DCC: variants seen among roughly 807,000 people sequenced by gnomAD.
DCC encodes netrin receptor DCC.
In DCC, 58 loss-of-function variants were observed where a neutral mutation model predicts 172.5. The observed-to-expected ratio is 0.34, with a 90% CI of 0.27 to 0.42. The LOEUF is 0.42. Ranked by LOEUF, DCC falls within the 10% of genes least tolerant of loss-of-function variation. The pLI, the probability that DCC is intolerant of heterozygous loss-of-function variation, is 1.00. For missense variants in DCC, 1,740 were observed against 1,791.0 expected (o/e 0.97, Z 0.51); for synonymous variants, 709 against 644.5 (o/e 1.10, Z -1.52).
rs1489121131 is a variant in DCC at position 53,489,742 on chromosome 18, A to T, written c.3898+2784A>T. On this transcript the variant is annotated intron_variant, in intron 26 of 28. Transcript: ENST00000442544. ...CTGAATTTCTCTCCAACCATAAGGA[A>T]AGAAAAGATATGGTACATACATTTG... Among the ~76,000 whole-genome samples, 3 of 152,188 alleles carry T rather than the reference A, an allele frequency of 2.0e-5. No homozygotes were observed. In the South Asian group the frequency reaches 6.2e-4, roughly 31 times the overall value.
intron 2 of DCC, among the ~76,000 whole-genome samples, chr18:52,821,252 G>T (rs751684752): frequency 6.6e-6 from 1 of 152,062 alleles, no homozygotes; most frequent in Non-Finnish European, 1.5e-5. Context: ...GTGGCACCAC[G>T]TTACTTCTAT....
chr18:52,885,986 G>A (rs984270847), intron 2 of DCC, among the ~76,000 whole-genome samples: 3 of 151,686 alleles, frequency 2.0e-5, no homozygotes, highest in Non-Finnish European at 2.9e-5. Flanking sequence ...TTACAACTCT[G>A]CCCAGTGCCC....
chr18:52,492,702 G>A (rs918361918), intron 1 of DCC, among the ~76,000 whole-genome samples: 8 of 152,054 alleles, frequency 5.3e-5, no homozygotes, highest in African/African-American at 1.4e-4. Flanking sequence ...TCCCCAACAC[G>A]AAAGCTGTGT....
intron 25 of DCC, among the ~76,000 whole-genome samples, chr18:53,479,914 T>C (rs2045811882): frequency 6.6e-6 from 1 of 152,204 alleles, no homozygotes; most frequent in African/African-American, 2.4e-5. Context: ...GGGTAACTTA[T>C]GAATGACTAA....
At chr18:53,258,502 T>A (rs968940906) in intron 12 of DCC, among the ~76,000 whole-genome samples, 10 of 152,156 alleles carry the variant, frequency 6.6e-5, no homozygotes, top group Admixed American at 2.0e-4. Flanking sequence ...GTTGTTCAGT[T>A]TCCATGTAGT....
At chr18:53,247,534 CAATT>C (rs2056379878) in intron 12 of DCC, among the ~76,000 whole-genome samples, 1 of 151,528 alleles carries the variant, frequency 6.6e-6, no homozygotes, top group African/African-American at 2.4e-5. Flanking sequence ...CAGGCTTTGA[CAATT>C]AAAGAGAAAA....
intron 5 of DCC, among the ~76,000 whole-genome samples, chr18:53,044,772 G>T (rs1052581665): frequency 1.3e-5 from 2 of 151,754 alleles, no homozygotes; most frequent in African/African-American, 4.8e-5. Context: ...TCACAATGCA[G>T]AAAATTTGTA....
chr18:52,837,450 C>G (rs1041164076), intron 2 of DCC, among the ~76,000 whole-genome samples: 1 of 152,208 alleles, frequency 6.6e-6, no homozygotes, highest in Admixed American at 6.5e-5. Context: ...TCATCTCTCT[C>G]AAGTTCAAAA....
chr18:52,346,322 T>C (rs775530171), intron 1 of DCC, among the ~76,000 whole-genome samples: 23 of 152,242 alleles, frequency 1.5e-4, no homozygotes, highest in Admixed American at 3.9e-4. Flanking sequence ...TAACACACTT[T>C]TTCTTTCTCT....
At chr18:53,240,874 C>T (rs1238778026) in intron 12 of DCC, among the ~76,000 whole-genome samples, 1 of 152,114 alleles carries the variant, frequency 6.6e-6, no homozygotes. Flanking sequence ...GTAATAGTTA[C>T]AGATAACATT....
intron 1 of DCC, among the ~76,000 whole-genome samples, chr18:52,709,947 C>T (rs776173004): frequency 2.0e-5 from 3 of 152,098 alleles, no homozygotes; most frequent in Non-Finnish European, 2.9e-5. Flanking sequence ...AGAAACAATG[C>T]ATTTGTTGTC....
chr18:52,995,253 T>G (rs757249444), intron 5 of DCC, among the ~76,000 whole-genome samples: 1 of 152,128 alleles, frequency 6.6e-6, no homozygotes, highest in Non-Finnish European at 1.5e-5. Flanking sequence ...CGAAAATTCC[T>G]TAGTGTTTTG....
intron 1 of DCC, among the ~76,000 whole-genome samples, chr18:52,390,946 A>T (rs942419337): frequency 6.6e-6 from 1 of 152,042 alleles, no homozygotes; most frequent in African/African-American, 2.4e-5. Context: ...TGTCCCCTCC[A>T]TTACCAAAAG....
At chr18:53,411,003 G>T (rs573172391) in intron 20 of DCC, among the ~76,000 whole-genome samples, 1 of 151,948 alleles carries the variant, frequency 6.6e-6, no homozygotes, top group Non-Finnish European at 1.5e-5. Flanking sequence ...TACTATTGCC[G>T]ACTTTAGGTA....
intron 5 of DCC, among the ~76,000 whole-genome samples, chr18:53,050,455 A>T (rs925452723): frequency 2.6e-5 from 4 of 152,066 alleles, no homozygotes; most frequent in Non-Finnish European, 5.9e-5. Context: ...TTCTTTCAGC[A>T]GCGATTTGTA....
chr18:52,970,295 A>G (rs183737593), intron 5 of DCC, among the ~76,000 whole-genome samples: 4 of 152,234 alleles, frequency 2.6e-5, no homozygotes, highest in East Asian at 3.9e-4. Context: ...TATAGGTGGC[A>G]TAATTAAACC....
In DCC at chr18:52,958,679, A is replaced by G. The variant is rs189634956; in HGVS notation, c.985+33309A>G. On this transcript the variant is annotated intron_variant, in intron 5 of 28. Coordinates refer to ENST00000442544, the MANE Select transcript of DCC (RefSeq NM_005215.4). ...GACTTGGTGGCCATAGGCATTTAGG[A>G]TAAAGAAGGATGTAAATTTAAAGAT... 2.4e-3 allele frequency among the ~76,000 whole-genome samples: 358 copies of G among 152,226 alleles called. 5 individuals carry two copies. Among genetic ancestry groups the G allele is most frequent in the Non-Finnish European group, 6.8e-4 (46 of 68,008 alleles).
chr18:52,982,838 C>T (rs1354458691), intron 5 of DCC, among the ~76,000 whole-genome samples: 5 of 152,156 alleles, frequency 3.3e-5, no homozygotes, highest in Non-Finnish European at 1.5e-5. Context: ...CTGTAGGCAT[C>T]GGAGAACCAC....
intron 12 of DCC, among the ~76,000 whole-genome samples, chr18:53,230,934 T>C (rs746089903): frequency 1.6e-4 from 24 of 152,100 alleles, no homozygotes; most frequent in African/African-American, 5.5e-4. Flanking sequence ...CTACTTTTCC[T>C]TGGGGTATTA....
Sources: allele counts gnomAD v4.1 joint callset (sites outside exome capture counted in the v4.1 genomes callset), GRCh38; gene constraint gnomAD v4.1.1; transcripts MANE v1.5; gene names NCBI Gene and HGNC (gene_info 2026-07-23, HGNC 2026-07-21).